Variants in UGT8 observed in about 807,000 individuals in gnomAD.
UGT8 encodes the protein 2-hydroxyacylsphingosine 1-beta-galactosyltransferase.
In UGT8, 12 loss-of-function variants were observed where a neutral mutation model predicts 40.5. The ratio of observed to expected loss-of-function variants is 0.30; its 90% CI spans 0.19 to 0.48. UGT8 has a LOEUF of 0.48. UGT8 is among the 20% of genes least tolerant of loss of function. UGT8 has a pLI of 0.99. For missense variants in UGT8, 513 were observed against 648.7 expected, an observed-to-expected ratio of 0.79 and a Z score of 2.27; for synonymous variants, 224 against 240.4, an observed-to-expected ratio of 0.93 and a Z score of 0.63.
intron 2 of UGT8, among the ~76,000 whole-genome samples, chr4:114,625,168 T>TC (rs768124720): frequency 6.6e-6 from 1 of 152,182 alleles, no homozygotes; most frequent in Non-Finnish European, 1.5e-5. Flanking sequence ...CCTTTGGTTT[T>TC]CATCTGGGTG....
intron 2 of UGT8, among the ~76,000 whole-genome samples, chr4:114,647,075 A>G (rs534472940): frequency 6.6e-6 from 1 of 152,324 alleles, no homozygotes; most frequent in African/African-American, 2.4e-5. Flanking sequence ...TGACAATTTC[A>G]GTGGTAAATA....
At chr4:114,666,209 A>C (rs1351122398) in intron 4 of UGT8, among the ~76,000 whole-genome samples, 1 of 152,100 alleles carries the variant, frequency 6.6e-6, no homozygotes, top group South Asian at 2.1e-4. Flanking sequence ...AACCAAAGAG[A>C]AGCAGAAGAC....
At chr4:114,629,742 A>G (rs1732456992) in intron 2 of UGT8, among the ~76,000 whole-genome samples, 1 of 152,172 alleles carries the variant, frequency 6.6e-6, no homozygotes, top group South Asian at 2.1e-4. Flanking sequence ...CTGCTTCTGT[A>G]AGCATTATGG....
chr4:114,663,949 A>T lies in UGT8; in HGVS notation c.823-46A>T, dbSNP rs774783535. 5.6e-6 allele frequency: 9 copies of T among 1,595,716 alleles called. No individual in the cohort carries two copies. In the South Asian group the frequency reaches 1.0e-4, roughly 18 times the overall value. ...GGGCTGTTAATAACACCAATTATAA[A>T]CTACATTGGTCTTCGTAAAACTTAC... is the stretch of plus-strand genomic sequence containing the variant. On this transcript the variant is annotated intron_variant, in intron 2 of 5. Transcript: ENST00000310836.
intron 5 of UGT8, among the ~76,000 whole-genome samples, chr4:114,671,989 C>T (rs1398984701): frequency 6.6e-6 from 1 of 151,998 alleles, no homozygotes; most frequent in Non-Finnish European, 1.5e-5. Flanking sequence ...AGTAAACAAC[C>T]CCATCAAAAA....
intron 5 of UGT8, 87 bp from the exon 6 acceptor site, chr4:114,675,838 T>C (rs1735603975): frequency 1.4e-6 from 2 of 1,475,148 alleles, no homozygotes; most frequent in Admixed American, 4.5e-5. Context: ...GTTGTTTTAA[T>C]TATTTCCCCT....
At chr4:114,658,824 T>C (rs1266240507) in intron 2 of UGT8, among the ~76,000 whole-genome samples, 2 of 152,224 alleles carry the variant, frequency 1.3e-5, no homozygotes, top group Non-Finnish European at 2.9e-5. Flanking sequence ...TGAATATTTT[T>C]TCACCATCTT....
chr4:114,623,799 A>G (rs923120655), intron 2 of UGT8, 97 bp downstream of exon 2: 1 of 1,411,762 alleles, frequency 7.1e-7, no homozygotes, highest in South Asian at 1.6e-5. Context: ...TATATTGTAT[A>G]TATACAGTAC....
chr4:114,637,204 G>C (rs1256923508), intron 2 of UGT8, among the ~76,000 whole-genome samples: 2 of 152,116 alleles, frequency 1.3e-5, no homozygotes, highest in East Asian at 1.9e-4. Context: ...TGAGGAAGGA[G>C]GTAAGGCAGC....
intron 2 of UGT8, among the ~76,000 whole-genome samples, chr4:114,641,522 C>T (rs1359082748): frequency 2.6e-5 from 4 of 152,158 alleles, no homozygotes; most frequent in Admixed American, 6.5e-5. Flanking sequence ...ACTGTGGCGT[C>T]TGTAAACCCT....
chr4:114,631,741 T>A (rs138401923), intron 2 of UGT8, among the ~76,000 whole-genome samples: 1,680 of 152,352 alleles, frequency 0.011, 17 homozygotes, highest in Middle Eastern at 0.034. Context: ...ATCCATGTGA[T>A]CCATAAATTT....
chr4:114,668,996 A>G (rs1002258465), intron 5 of UGT8, among the ~76,000 whole-genome samples: 4 of 152,220 alleles, frequency 2.6e-5, no homozygotes, highest in African/African-American at 9.7e-5. Flanking sequence ...TATTTAATTT[A>G]CCTTGCATTT....
chr4:114,608,435 AG>A (rs1220924451), intron 1 of UGT8, among the ~76,000 whole-genome samples: 1 of 152,174 alleles, frequency 6.6e-6, no homozygotes, highest in Non-Finnish European at 1.5e-5. Context: ...TGAGGCAATA[AG>A]GGTAAGTTTC....
rs773336345 is a variant in UGT8, at chr4:114,677,962, A to C, written c.*1674A>C. 1.7e-4 allele frequency: 26 copies of C among 152,222 alleles called. No individual in the cohort carries two copies. Among genetic ancestry groups the C allele is most frequent in the Non-Finnish European group, 3.7e-4 (25 of 68,036 alleles). 9.4% of individuals were successfully genotyped at this position (152,222 alleles called of 1,614,324 possible). On this transcript the variant is annotated 3_prime_UTR_variant, in exon 6 of 6. Transcript: ENST00000310836. ...ATGCAGACAAATGTACTGCTCTCTG[A>C]ATACTTGAAGAAATGGTATTATACA...
At chr4:114,620,357 A>G (rs1021650739) in intron 1 of UGT8, among the ~76,000 whole-genome samples, 1 of 152,202 alleles carries the variant, frequency 6.6e-6, no homozygotes, top group Non-Finnish European at 1.5e-5. Flanking sequence ...CTGTTTTGGC[A>G]TTAGTCTTAT....
At chr4:114,642,375 G>A (rs1297751263) in intron 2 of UGT8, among the ~76,000 whole-genome samples, 1 of 152,036 alleles carries the variant, frequency 6.6e-6, no homozygotes, top group Non-Finnish European at 1.5e-5. Context: ...GCACATATTA[G>A]GCCCTCAATG....
intron 2 of UGT8, among the ~76,000 whole-genome samples, chr4:114,634,417 C>CT (rs1203394470): frequency 6.6e-6 from 1 of 152,088 alleles, no homozygotes; most frequent in African/African-American, 2.4e-5. Context: ...AATGCAGTGG[C>CT]TTATCGACTC....
chr4:114,633,341 T>C (rs542711666), intron 2 of UGT8, among the ~76,000 whole-genome samples: 2 of 152,288 alleles, frequency 1.3e-5, no homozygotes, highest in African/African-American at 4.8e-5. Flanking sequence ...AATGCAGTGA[T>C]AGAAAATAAG....
chr4:114,638,522 T>C (rs1733022346), intron 2 of UGT8, among the ~76,000 whole-genome samples: 2 of 152,210 alleles, frequency 1.3e-5, no homozygotes, highest in South Asian at 4.1e-4. Flanking sequence ...TCATCTGTCC[T>C]CCCTCCATCT....
Sources: gnomAD v4.1 joint callset for allele counts (sites outside exome capture counted in the v4.1 genomes callset) on GRCh38, gnomAD v4.1.1 for gene constraint, MANE v1.5 for transcripts, NCBI Gene and HGNC (gene_info 2026-07-23, HGNC 2026-07-21) for gene names.